The following BICC1 variants were observed in gnomAD, a reference collection of about 807,000 sequenced individuals.
BICC1 encodes protein bicaudal C homolog 1.
In BICC1, 43 loss-of-function variants were observed where a neutral mutation model predicts 111.0. The ratio of observed to expected loss-of-function variants is 0.39; its 90% CI spans 0.30 to 0.50. The LOEUF (loss-of-function observed/expected upper bound fraction) is 0.50, where lower values mean the gene tolerates loss of function less well. BICC1 is among the 20% of genes least tolerant of loss of function. The pLI is 0.88. For synonymous variants in BICC1, 467 were observed against 434.4 expected (o/e 1.07, Z -0.93); for missense variants, 1,091 against 1,203.2 (o/e 0.91, Z 1.38).
chr10:58,625,178 C>T (rs1469175014), intron 2 of BICC1, among the ~76,000 whole-genome samples: 1 of 152,214 alleles, frequency 6.6e-6, no homozygotes, highest in Non-Finnish European at 1.5e-5. Context: ...AATGGAAACA[C>T]ATGGAAACAA....
intron 3 of BICC1, among the ~76,000 whole-genome samples, chr10:58,750,214 G>A (rs1412702954): frequency 6.6e-6 from 1 of 152,148 alleles, no homozygotes; most frequent in Non-Finnish European, 1.5e-5. Flanking sequence ...GAGTGAGAGA[G>A]AAGACTGTTA....
chr10:58,816,227 C>G (rs560488238), intron 18 of BICC1, among the ~76,000 whole-genome samples: 3 of 152,186 alleles, frequency 2.0e-5, no homozygotes, highest in Non-Finnish European at 4.4e-5. Flanking sequence ...ATTTGCTTAT[C>G]GCAGTCCACT....
At chr10:58,663,287 G>C (rs150336332) in intron 2 of BICC1, among the ~76,000 whole-genome samples, 2 of 151,890 alleles carry the variant, frequency 1.3e-5, no homozygotes, top group Non-Finnish European at 2.9e-5. Flanking sequence ...GGCTGGTCTC[G>C]AACTCCTGTC....
intron 3 of BICC1, among the ~76,000 whole-genome samples, chr10:58,716,890 G>A (rs1456612328): frequency 1.3e-5 from 2 of 151,292 alleles, no homozygotes; most frequent in Non-Finnish European, 2.9e-5. Context: ...GTCAGAGCTG[G>A]CTACCAGCAG....
intron 3 of BICC1, among the ~76,000 whole-genome samples, chr10:58,741,386 C>T (rs920450571): frequency 6.6e-6 from 1 of 151,964 alleles, no homozygotes; most frequent in African/African-American, 2.4e-5. Flanking sequence ...CTGATTTTTT[C>T]GGGGGAAGAA....
At chr10:58,556,072 G>A (rs1049042843) in intron 1 of BICC1, among the ~76,000 whole-genome samples, 1 of 152,074 alleles carries the variant, frequency 6.6e-6, no homozygotes, top group African/African-American at 2.4e-5. Flanking sequence ...TAGTTTTCGA[G>A]TGTTGGGGGA....
At chr10:58,738,110 A>G (rs1269708221) in intron 3 of BICC1, among the ~76,000 whole-genome samples, 2 of 152,112 alleles carry the variant, frequency 1.3e-5, no homozygotes, top group Non-Finnish European at 2.9e-5. Context: ...CCATTTGTCA[A>G]TTTTGGCTTT....
At chr10:58,792,334 G>T (rs1181288573) in intron 8 of BICC1, among the ~76,000 whole-genome samples, 1 of 152,172 alleles carries the variant, frequency 6.6e-6, no homozygotes, top group Non-Finnish European at 1.5e-5. Flanking sequence ...AGGAGGAAAG[G>T]TTTAAACTGC....
chr10:58,768,248 C>G lies in BICC1; in HGVS notation c.308-16753C>G, dbSNP rs563518444. On this transcript the variant is annotated intron_variant, in intron 3 of 20. Coordinates refer to ENST00000373886, the MANE Select transcript of BICC1 (RefSeq NM_001080512.3). ...ACTGTCAGTTAGACTATCAATAAGA[C>G]TATCAGTTGACTTCTCAGCAGAAAT... 2.0e-5 allele frequency among the ~76,000 whole-genome samples: 3 copies of G among 152,240 alleles called. No homozygotes were observed. The South Asian group carries it at 6.2e-4, about 32-fold the overall frequency.
At chr10:58,714,626 C>T (rs59745588) in intron 3 of BICC1, among the ~76,000 whole-genome samples, 3,075 of 152,124 alleles carry the variant, frequency 0.02, 119 homozygotes, top group African/African-American at 0.071. Flanking sequence ...AGGTTTCTGA[C>T]AGTTTTTGAA....
Position 58,779,701 on chromosome 10 carries a change from C to T in BICC1, c.308-5300C>T, listed in dbSNP as rs143723227. Among the ~76,000 whole-genome samples, 16 of 152,226 alleles carry T rather than the reference C, an allele frequency of 1.1e-4. No homozygotes were observed. In the East Asian group the frequency reaches 2.3e-3, roughly 22 times the overall value. ...ACAGAGTTTGTTTATGGCTAAATTG[C>T]GATTAACTGTAGACACCACATATTT... On this transcript the variant is annotated intron_variant, in intron 3 of 20. Coordinates refer to ENST00000373886, the MANE Select transcript of BICC1 (RefSeq NM_001080512.3).
At chr10:58,619,881 T>C (rs7894636) in intron 1 of BICC1, among the ~76,000 whole-genome samples, 145,546 of 151,970 alleles carry the variant, frequency 0.96, 70,026 homozygotes, top group East Asian at 1. Context: ...CACACACACA[T>C]ATGCACTTCT....
intron 9 of BICC1, among the ~76,000 whole-genome samples, chr10:58,793,999 GATC>G (rs1843266447): frequency 6.6e-6 from 1 of 152,060 alleles, no homozygotes; most frequent in South Asian, 2.1e-4. Flanking sequence ...ATTCATTATA[GATC>G]ATCATTTTCT....
In BICC1 at chr10:58,789,883, T is replaced by C. The variant is rs769704518; in HGVS notation, c.997T>C (p.Tyr333His). ...TAATCCACAAAAGAAATCTACCGTC[T>C]ACCTCCAGGGCACCATTGAGTCTGT... ...PSNPQKKSTV[Y>H]LQGTIESVCL... is the part of the protein sequence containing the mutation. The change falls in exon 8 of 21, where the codon TAC (tyrosine) becomes CAC (histidine). Residue 333 changes from tyrosine to histidine, a missense_variant. By Grantham distance (83) the Tyr-to-His change is moderately conservative. This residue lies in a region of BICC1 where 843 missense variants were observed against 900.8 expected (regional missense o/e 0.94). Coordinates refer to ENST00000373886, the MANE Select transcript of BICC1 (RefSeq NM_001080512.3). 6.2e-7 allele frequency: 1 copy of C among 1,614,166 alleles called. No homozygotes were observed. The highest frequency in any genetic ancestry group is 1.7e-5 in the Admixed American group (1 of 60,028).
chr10:58,699,513 G>T (rs1840165592), intron 2 of BICC1, among the ~76,000 whole-genome samples: 1 of 152,108 alleles, frequency 6.6e-6, no homozygotes. Flanking sequence ...AGAAAGTTAG[G>T]TCTTCTACAC....
intron 1 of BICC1, among the ~76,000 whole-genome samples, chr10:58,532,371 A>G (rs1842704288): frequency 6.6e-6 from 1 of 151,828 alleles, no homozygotes; most frequent in East Asian, 1.9e-4. Flanking sequence ...GATTTGGGTA[A>G]GACATCAATT....
rs1564572744 is a variant in BICC1 at position 58,718,781 on chromosome 10, CGCGT to C, written c.307+16642_307+16645del. Among the ~76,000 whole-genome samples, 43 of 142,878 alleles carry C rather than the reference CGCGT, an allele frequency of 3.0e-4. 1 individual carries two copies. The highest frequency in any genetic ancestry group is 1.2e-3 in the African/African-American group (43 of 36,674). 93.7% of individuals were successfully genotyped at this position (142,878 alleles called of 152,430 possible). A position where few individuals can be genotyped will look rare whatever the true frequency, so the allele number is the denominator to read the frequency against. ...GTGTGTGTGTGCGCGCGCGCGTGCG[CGCGT>C]GCGCACGCCCGCGTGCTTATGGGTA... On this transcript the variant is annotated intron_variant, in intron 3 of 20. Transcript: ENST00000373886.
At chr10:58,542,012 G>A (rs1842996231) in intron 1 of BICC1, among the ~76,000 whole-genome samples, 1 of 151,736 alleles carries the variant, frequency 6.6e-6, no homozygotes, top group Non-Finnish European at 1.5e-5. Context: ...TTATCCAGGT[G>A]TAGTGATGTG....
intron 3 of BICC1, among the ~76,000 whole-genome samples, chr10:58,720,880 A>G (rs903819872): frequency 1.3e-5 from 2 of 152,176 alleles, no homozygotes; most frequent in African/African-American, 4.8e-5. Flanking sequence ...TGGTAACTTG[A>G]TAAGAGCAAG....
Sources: gnomAD v4.1 joint callset for allele counts (sites outside exome capture counted in the v4.1 genomes callset) on GRCh38, gnomAD v4.1.1 for gene constraint, gnomAD v4.1.1 regional missense constraint, MANE v1.5 for transcripts, NCBI Gene and HGNC (gene_info 2026-07-23, HGNC 2026-07-21) for gene names.